PPM1H: variants seen among roughly 807,000 people sequenced by gnomAD.
PPM1H encodes the protein protein phosphatase 1H.
In PPM1H, 27 loss-of-function variants were observed where a neutral mutation model predicts 54.9. The observed-to-expected ratio is 0.49, with a 90% CI of 0.36 to 0.68. The LOEUF is 0.68. Ranked by LOEUF, PPM1H falls within the 30% of genes least tolerant of loss-of-function variation. The pLI is 0.00. For synonymous variants in PPM1H, 305 were observed against 270.8 expected (o/e 1.13, Z -1.24); for missense variants, 596 against 667.8 (o/e 0.89, Z 1.19).
chr12:62,648,857 T>C (rs138503543), intron 9 of PPM1H, among the ~76,000 whole-genome samples: 106 of 152,396 alleles, frequency 7.0e-4, no homozygotes, highest in African/African-American at 2.5e-3. Flanking sequence ...ATACATTAGA[T>C]AATGTCTTAC....
chr12:62,805,129 AATC>A (rs2076799167), intron 2 of PPM1H, among the ~76,000 whole-genome samples: 1 of 152,346 alleles, frequency 6.6e-6, no homozygotes, highest in South Asian at 2.1e-4. Flanking sequence ...CAAAATCAAT[AATC>A]ATCAGGAAAA....
chr12:62,912,912 G>T (rs190493475), intron 1 of PPM1H, among the ~76,000 whole-genome samples: 67 of 152,322 alleles, frequency 4.4e-4, no homozygotes, highest in African/African-American at 1.5e-3. Context: ...CCATTAGTTT[G>T]TAGATGATTC....
intron 1 of PPM1H, among the ~76,000 whole-genome samples, chr12:62,873,294 C>T (rs950917533): frequency 2.0e-4 from 30 of 152,212 alleles, no homozygotes; most frequent in Admixed American, 1.4e-3. Context: ...TACACACATG[C>T]GCACCTTTTG....
chr12:62,826,935 T>G (rs1868297699), intron 2 of PPM1H, among the ~76,000 whole-genome samples: 2 of 152,200 alleles, frequency 1.3e-5, no homozygotes, highest in South Asian at 4.1e-4. Flanking sequence ...GTGTGGCCCA[T>G]GCCATAGATA....
intron 1 of PPM1H, among the ~76,000 whole-genome samples, chr12:62,853,398 A>C (rs1379814005): frequency 6.6e-6 from 1 of 152,242 alleles, no homozygotes; most frequent in Non-Finnish European, 1.5e-5. Context: ...ATCTTGCTTT[A>C]ATCCTATGAG....
At chr12:62,667,061 G>A (rs1274937177) in intron 9 of PPM1H, 117 bp downstream of exon 9, 7 of 1,192,894 alleles carry the variant, frequency 5.9e-6, no homozygotes, top group Middle Eastern at 2.0e-4. Context: ...TTTGGTTACT[G>A]TACCGTCCAT....
intron 1 of PPM1H, chr12:62,850,961 ATAAAT>A (rs926716092): frequency 2.0e-5 from 3 of 152,222 alleles, no homozygotes; most frequent in African/African-American, 7.2e-5. Context: ...GGCAATAAAT[ATAAAT>A]TAAATTGAAG....
chr12:62,842,268 G>A (rs955500216), intron 1 of PPM1H, among the ~76,000 whole-genome samples: 1 of 152,162 alleles, frequency 6.6e-6, no homozygotes, highest in South Asian at 2.1e-4. Flanking sequence ...CTTTTCTAAA[G>A]ATCAGATTTT....
chr12:62,833,450 G>A (rs956119369), intron 1 of PPM1H, among the ~76,000 whole-genome samples: 5 of 151,888 alleles, frequency 3.3e-5, no homozygotes, highest in East Asian at 1.9e-4. Flanking sequence ...TTCCCCAAAC[G>A]GTAACATCTT....
In PPM1H at chr12:62,648,184, A is replaced by C. The variant is rs2136589948; in HGVS notation, c.*305T>G. The C allele has an allele frequency of 8.5e-6, 2 of 236,282 alleles. No homozygotes were observed. Among genetic ancestry groups the C allele is most frequent in the East Asian group, 1.7e-4 (2 of 11,556 alleles). The allele number at this position is 236,282 out of a possible 1,614,324, so 14.6% of individuals were successfully genotyped here. ...TGGCTGCCCCAGCTACTCTAGATAA[A>C]ATAAATATGACATATATACCCCAAA... On this transcript the variant is annotated 3_prime_UTR_variant, in exon 10 of 10. Transcript: ENST00000228705.
intron 1 of PPM1H, among the ~76,000 whole-genome samples, chr12:62,873,261 C>T (rs117186522): frequency 0.018 from 2,775 of 152,264 alleles, 29 homozygotes; most frequent in Non-Finnish European, 0.025. Context: ...TAGGATAACC[C>T]CACAGCTCTG....
At chr12:62,727,637 A>ATAT (rs146320023) in intron 5 of PPM1H, among the ~76,000 whole-genome samples, 13,554 of 139,710 alleles carry the variant, frequency 0.097, 1,051 homozygotes, top group African/African-American at 0.21. Flanking sequence ...TAAAATGCAA[A>ATAT]TATTATTATT....
At chr12:62,783,655 A>G (rs529231164) in intron 4 of PPM1H, among the ~76,000 whole-genome samples, 1 of 152,344 alleles carries the variant, frequency 6.6e-6, no homozygotes, top group South Asian at 2.1e-4. Context: ...TCACTATATT[A>G]TTGAGAAAAT....
chr12:62,645,086 G>A lies in PPM1H; in HGVS notation c.*3403C>T, dbSNP rs1432119048. 1 of 152,176 alleles carries A rather than the reference G, an allele frequency of 6.6e-6. No individual in the cohort carries two copies. The highest frequency in any genetic ancestry group is 1.5e-5 in the Non-Finnish European group (1 of 68,036). 9.4% of individuals were successfully genotyped at this position (152,176 alleles called of 1,614,324 possible). On this transcript the variant is annotated 3_prime_UTR_variant, in exon 10 of 10. Transcript: ENST00000228705. ...CAGGTGAGGAAGGGGATCTCAAGAG[G>A]AGAATCCGAATTTCAAAGACATGGG...
At chr12:62,823,664 T>A (rs1191245060) in intron 2 of PPM1H, among the ~76,000 whole-genome samples, 1 of 152,166 alleles carries the variant, frequency 6.6e-6, no homozygotes, top group Non-Finnish European at 1.5e-5. Flanking sequence ...ATTATCTCAA[T>A]AGATGCAGAA....
chr12:62,797,747 G>A (rs1276459490), intron 3 of PPM1H, among the ~76,000 whole-genome samples: 2 of 152,226 alleles, frequency 1.3e-5, no homozygotes, highest in African/African-American at 2.4e-5. Context: ...GGATTCTGAA[G>A]CTCACCTTAA....
chr12:62,846,720 C>T (rs185332935), intron 1 of PPM1H, among the ~76,000 whole-genome samples: 49 of 152,208 alleles, frequency 3.2e-4, no homozygotes, highest in African/African-American at 1.2e-3. Context: ...GACCTAACCT[C>T]CTCTTGTCTG....
intron 2 of PPM1H, among the ~76,000 whole-genome samples, chr12:62,817,383 A>G (rs1285138222): frequency 6.6e-6 from 1 of 151,522 alleles, no homozygotes; most frequent in Non-Finnish European, 1.5e-5. Context: ...AATGGCGTGA[A>G]CCTGGCAGGC....
intron 6 of PPM1H, among the ~76,000 whole-genome samples, chr12:62,700,645 A>T (rs1047761577): frequency 6.6e-6 from 1 of 152,214 alleles, no homozygotes; most frequent in African/African-American, 2.4e-5. Context: ...GGACGGATCC[A>T]TCAGGCCTCT....
Sources: gnomAD v4.1 joint callset for allele counts (sites outside exome capture counted in the v4.1 genomes callset) on GRCh38, gnomAD v4.1.1 for gene constraint, MANE v1.5 for transcripts, NCBI Gene and HGNC (gene_info 2026-07-23, HGNC 2026-07-21) for gene names.